FYB1: variants seen among roughly 807,000 people sequenced by gnomAD.
FYB1 encodes the protein FYN-binding protein 1.
FYB1 carries 41 observed loss-of-function variants against 94.1 expected under a neutral mutation model. The ratio of observed to expected loss-of-function variants is 0.44; its 90% CI spans 0.34 to 0.57. The LOEUF (loss-of-function observed/expected upper bound fraction) is 0.57, where lower values mean the gene tolerates loss of function less well. FYB1 is among the 20% of genes least tolerant of loss of function. The probability of loss-of-function intolerance (pLI) is 0.02; values close to 1 mark genes in which losing one functional copy is unlikely to be tolerated. For synonymous variants in FYB1, 367 were observed against 353.2 expected (o/e 1.04, Z -0.44); for missense variants, 1,050 against 976.8 (o/e 1.07, Z -1.00).
rs768964809 is a variant in FYB1 at position 39,202,082 on chromosome 5, G to T, written c.879C>A (p.Asn293Lys). ...CCTGATTTATTTTGCTCTGGAAGGT[G>T]TTCTTAGCAGCATCTATCTTCCTAT... The part of the protein sequence containing the change: ...KEDRKIDAAK[N>K]TFQSKINQEE... Residue 293 changes from asparagine (N) to lysine (K), a missense_variant, in exon 2 of 19, where the codon AAC (asparagine) becomes AAA (lysine). By Grantham distance (94) the Asn-to-Lys change is moderately conservative. Coordinates refer to ENST00000512982, the MANE Select transcript of FYB1 (RefSeq NM_001465.6). 6.2e-7 allele frequency: 1 copy of T among 1,614,020 alleles called. No individual in the cohort carries two copies. Among genetic ancestry groups the T allele is most frequent in the South Asian group, 1.1e-5 (1 of 91,082 alleles).
chr5:39,229,052 TG>T (rs1750607809), intron 1 of FYB1, among the ~76,000 whole-genome samples: 1 of 152,178 alleles, frequency 6.6e-6, no homozygotes, highest in Non-Finnish European at 1.5e-5. Context: ...GTGAAGAGTA[TG>T]GCTACGATCC....
At position 39,126,108 on chromosome 5, in the gene FYB1, A is replaced by G. The variant is rs755830124; in HGVS notation, c.1935T>C (p.Ser645=). Residue 645 remains serine, a synonymous_variant, in exon 12 of 19, where the codon AGT becomes AGC. Transcript: ENST00000512982. ...TCAAAATCCCCCAGGACCACGTATT[A>G]CTCTTCTCTTGAACCTGTAGTGTGG... ...DGSTLQVQEK[S]NTWSWGILKM... is the part of the protein sequence containing the mutation. The G allele has an allele frequency of 6.2e-7, 1 of 1,613,372 alleles. No homozygotes were observed. The highest frequency in any genetic ancestry group is 2.2e-5 in the East Asian group (1 of 44,844).
intron 8 of FYB1, 57 bp downstream of exon 8, chr5:39,134,798 A>G (rs1741518157): frequency 1.3e-6 from 2 of 1,584,304 alleles, no homozygotes; most frequent in South Asian, 1.1e-5. Context: ...GAATATGTAC[A>G]TTGAATATTG....
chr5:39,260,714 T>C (rs1306413256), intron 1 of FYB1, among the ~76,000 whole-genome samples: 2 of 152,064 alleles, frequency 1.3e-5, no homozygotes, highest in Admixed American at 1.3e-4. Flanking sequence ...CATTTAAGAG[T>C]GATGTCAAAA....
intron 7 of FYB1, 71 bp downstream of exon 7, chr5:39,137,529 A>G: frequency 6.7e-7 from 1 of 1,481,540 alleles, no homozygotes. Flanking sequence ...AGTTTTCAAG[A>G]ATGGTACCCC....
intron 1 of FYB1, among the ~76,000 whole-genome samples, chr5:39,237,700 C>T (rs892354195): frequency 3.9e-5 from 6 of 151,986 alleles, no homozygotes; most frequent in African/African-American, 1.4e-4. Context: ...GGAAAAGAAA[C>T]CCAGTGGGAG....
intron 2 of FYB1, among the ~76,000 whole-genome samples, chr5:39,156,874 A>G (rs1371583308): frequency 6.6e-6 from 1 of 152,220 alleles, no homozygotes; most frequent in Non-Finnish European, 1.5e-5. Flanking sequence ...ATATGTTTTT[A>G]TTCTGATGGA....
chr5:39,185,695 G>A (rs1415616636), intron 2 of FYB1, among the ~76,000 whole-genome samples: 1 of 150,750 alleles, frequency 6.6e-6, no homozygotes, highest in Non-Finnish European at 1.5e-5. Context: ...AACCCACAGT[G>A]TGTTAGAAAC....
At chr5:39,225,644 A>G (rs1750440055) in intron 1 of FYB1, among the ~76,000 whole-genome samples, 1 of 152,240 alleles carries the variant, frequency 6.6e-6, no homozygotes, top group South Asian at 2.1e-4. Flanking sequence ...TGTTATGCAT[A>G]TACTTTAACC....
chr5:39,241,588 G>A (rs1421636792), intron 1 of FYB1, among the ~76,000 whole-genome samples: 1 of 152,118 alleles, frequency 6.6e-6, no homozygotes, highest in Non-Finnish European at 1.5e-5. Flanking sequence ...CATAGGGAGT[G>A]GGCAAGGGCA....
chr5:39,256,495 C>G (rs1031487250), intron 1 of FYB1, among the ~76,000 whole-genome samples: 4 of 152,290 alleles, frequency 2.6e-5, no homozygotes, highest in Admixed American at 2.0e-4. Flanking sequence ...TATGGGAATG[C>G]CCTACCTCTC....
intron 3 of FYB1, among the ~76,000 whole-genome samples, chr5:39,145,935 CAG>C (rs1175357420): frequency 6.7e-6 from 1 of 149,454 alleles, no homozygotes; most frequent in Non-Finnish European, 1.5e-5. Context: ...TTTTTTAAGA[CAG>C]AGTCTCACTC....
At chr5:39,237,097 G>C (rs1750997736) in intron 1 of FYB1, among the ~76,000 whole-genome samples, 2 of 152,072 alleles carry the variant, frequency 1.3e-5, no homozygotes, top group South Asian at 4.1e-4. Context: ...AGTAAGTTGG[G>C]CCCAAATAAT....
chr5:39,146,633 A>C (rs771597788), intron 3 of FYB1, among the ~76,000 whole-genome samples: 7 of 152,192 alleles, frequency 4.6e-5, no homozygotes, highest in Non-Finnish European at 1.0e-4. Flanking sequence ...TTCCTAAAAC[A>C]CCTGTATGAA....
At chr5:39,113,629 G>A (rs763126985) in intron 16 of FYB1, among the ~76,000 whole-genome samples, 1 of 152,024 alleles carries the variant, frequency 6.6e-6, no homozygotes, top group Non-Finnish European at 1.5e-5. Context: ...ATAATCTTTG[G>A]AAAAGTGGAA....
At chr5:39,142,458 T>C (rs1262645378) in intron 3 of FYB1, among the ~76,000 whole-genome samples, 1 of 152,224 alleles carries the variant, frequency 6.6e-6, no homozygotes, top group African/African-American at 2.4e-5. Flanking sequence ...GAATTTGATC[T>C]GAATTCTCAG....
At chr5:39,172,337 T>C (rs973556226) in intron 2 of FYB1, among the ~76,000 whole-genome samples, 1 of 151,998 alleles carries the variant, frequency 6.6e-6, no homozygotes, top group Non-Finnish European at 1.5e-5. Context: ...TCCCAGCTAC[T>C]TGGGAGGCTG....
upstream of FYB1, among the ~76,000 whole-genome samples, chr5:39,221,858 C>T (rs138326072): frequency 6.5e-3 from 988 of 151,858 alleles, 14 homozygotes; most frequent in African/African-American, 0.023. Flanking sequence ...ATTAGCTGGG[C>T]GTGGTGGTGG....
chr5:39,166,503 C>G (rs981985140), intron 2 of FYB1, among the ~76,000 whole-genome samples: 1 of 151,486 alleles, frequency 6.6e-6, no homozygotes, highest in East Asian at 1.9e-4. Context: ...GTATGTTTAT[C>G]ACAGTACTAT....
Sources: gnomAD v4.1 joint callset for allele counts (sites outside exome capture counted in the v4.1 genomes callset) on GRCh38, gnomAD v4.1.1 for gene constraint, MANE v1.5 for transcripts, NCBI Gene and HGNC (gene_info 2026-07-23, HGNC 2026-07-21) for gene names.